The following FOXJ3 variants were observed in gnomAD, a reference collection of about 807,000 sequenced individuals.
The protein encoded by FOXJ3 is forkhead box protein J3.
Under a neutral mutation model 76.1 loss-of-function variants are expected in FOXJ3, and 22 were observed. That is an observed-to-expected ratio of 0.29 (90% CI 0.21 to 0.41). FOXJ3 has a LOEUF of 0.41. Among genes scored for constraint, FOXJ3 ranks in the 10% least tolerant of loss-of-function variants. The probability of loss-of-function intolerance (pLI) is 1.00; values close to 1 mark genes in which losing one functional copy is unlikely to be tolerated. For missense variants in FOXJ3, 613 were observed against 762.1 expected, an observed-to-expected ratio of 0.80 and a Z score of 2.30; for synonymous variants, 269 against 261.2, an observed-to-expected ratio of 1.03 and a Z score of -0.29.
intron 5 of FOXJ3, among the ~76,000 whole-genome samples, chr1:42,226,639 C>A (rs1328942162): frequency 1.3e-5 from 2 of 152,104 alleles, no homozygotes; most frequent in Non-Finnish European, 2.9e-5. Flanking sequence ...AGCTCTGTTA[C>A]CAGAAGACCA....
chr1:42,185,021 T>C (rs1391767857), intron 11 of FOXJ3, among the ~76,000 whole-genome samples: 1 of 152,086 alleles, frequency 6.6e-6, no homozygotes, highest in Non-Finnish European at 1.5e-5. Flanking sequence ...ATATAGGCCA[T>C]AGTAACAACA....
chr1:42,232,040 C>T (rs1463844486), intron 4 of FOXJ3, among the ~76,000 whole-genome samples: 4 of 151,998 alleles, frequency 2.6e-5, no homozygotes, highest in Non-Finnish European at 1.5e-5. Flanking sequence ...TGAGTGAGAA[C>T]ATGCGGTGTT....
Position 42,222,253 on chromosome 1 carries a change from AGTTC to A in FOXJ3, c.528+5626_528+5629del, listed in dbSNP as rs527680611. On this transcript the variant is annotated intron_variant, in intron 5 of 12. Coordinates refer to ENST00000361346, the MANE Select transcript of FOXJ3 (RefSeq NM_014947.5). ...AAATCCCACTAATCTGCCCTATTTC[AGTTC>A]ATCCATCAGGCCTCCAATTAACGTC... Among the ~76,000 whole-genome samples, 7 of 151,844 alleles carry A rather than the reference AGTTC, an allele frequency of 4.6e-5. No individual in the cohort carries two copies. In the South Asian group the frequency reaches 1.5e-3, roughly 32 times the overall value.
At chr1:42,243,616 G>A (rs149591456) in intron 4 of FOXJ3, among the ~76,000 whole-genome samples, 2 of 152,230 alleles carry the variant, frequency 1.3e-5, no homozygotes, top group African/African-American at 4.8e-5. Flanking sequence ...GATAAGTAGA[G>A]ACAGTTGCAT....
chr1:42,199,372 C>A, intron 6 of FOXJ3, 142 bp from the exon 7 acceptor site: 1 of 595,340 alleles, frequency 1.7e-6, no homozygotes, highest in East Asian at 2.6e-5. Context: ...ATTCCATGCC[C>A]CATATGGCTA....
chr1:42,236,604 A>AT (rs1169085435), intron 4 of FOXJ3, among the ~76,000 whole-genome samples: 2 of 152,246 alleles, frequency 1.3e-5, no homozygotes, highest in Admixed American at 1.3e-4. Flanking sequence ...ACCTTCATGT[A>AT]ACTAACACTA....
intron 1 of FOXJ3, among the ~76,000 whole-genome samples, chr1:42,331,967 G>C (rs1181347731): frequency 6.6e-6 from 1 of 152,030 alleles, no homozygotes; most frequent in Non-Finnish European, 1.5e-5. Flanking sequence ...TACAAATCCT[G>C]TGAAAAACAA....
intron 9 of FOXJ3, among the ~76,000 whole-genome samples, chr1:42,190,814 T>C (rs573456396): frequency 9.8e-5 from 15 of 152,322 alleles, no homozygotes; most frequent in Non-Finnish European, 1.6e-4. Context: ...AAGCAAACTC[T>C]GCAGCGACTG....
intron 3 of FOXJ3, among the ~76,000 whole-genome samples, 190 bp downstream of exon 3, chr1:42,278,158 G>T (rs1046520594): frequency 6.6e-6 from 1 of 151,970 alleles, no homozygotes; most frequent in Non-Finnish European, 1.5e-5. Flanking sequence ...ACATAATCAA[G>T]CTTCAACACA....
Position 42,265,141 on chromosome 1 carries a change from G to A in FOXJ3, c.418C>T (p.Pro140Ser), listed in dbSNP as rs754151474. 1.3e-6 allele frequency: 2 copies of A among 1,599,018 alleles called. No individual in the cohort carries two copies. Among genetic ancestry groups the A allele is most frequent in the Non-Finnish European group, 1.7e-6 (2 of 1,167,968 alleles). The change falls in exon 4 of 13, where the codon CCT becomes TCT. Residue 140 changes from proline (P) to serine (S), a missense_variant. Around this residue, in one of 3 missense-constraint regions of FOXJ3, gnomAD observed 526 missense variants for 601.4 expected, o/e 0.87. Transcript: ENST00000361346. ...LSLNKCFLKV[P>S]RSKDDPGKGS... ...TTTCCAGGGTCATCCTTAGATCGAG[G>A]CACTTTAAGGAAACATTTGTTCAAT...
At chr1:42,266,671 T>C (rs1315532346) in intron 3 of FOXJ3, among the ~76,000 whole-genome samples, 2 of 151,786 alleles carry the variant, frequency 1.3e-5, no homozygotes, top group Non-Finnish European at 1.5e-5. Flanking sequence ...TAAGAAAAAA[T>C]AGGGGTAGGA....
At chr1:42,278,256 C>T (rs1327810347) in intron 3 of FOXJ3, 92 bp downstream of exon 3, 1 of 955,730 alleles carries the variant, frequency 1.0e-6, no homozygotes, top group Non-Finnish European at 1.6e-6. Context: ...ATTTCATATT[C>T]AATTACATGA....
chr1:42,186,798 C>G (rs191332319), intron 11 of FOXJ3, among the ~76,000 whole-genome samples: 3 of 152,270 alleles, frequency 2.0e-5, no homozygotes, highest in Admixed American at 2.0e-4. Flanking sequence ...CTGAAATTCA[C>G]CAACATGAGA....
At chr1:42,182,703 G>A (rs1305420330) in intron 11 of FOXJ3, among the ~76,000 whole-genome samples, 2 of 151,992 alleles carry the variant, frequency 1.3e-5, no homozygotes, top group Non-Finnish European at 2.9e-5. Flanking sequence ...TTACCATGTT[G>A]GCCAGGCTGA....
intron 4 of FOXJ3, among the ~76,000 whole-genome samples, chr1:42,228,581 A>C (rs1052747113): frequency 6.6e-6 from 1 of 151,780 alleles, no homozygotes; most frequent in East Asian, 1.9e-4. Context: ...AAAAAAAAAA[A>C]ACTTTGGAAA....
At chr1:42,275,708 T>C (rs1271085847) in intron 3 of FOXJ3, among the ~76,000 whole-genome samples, 1 of 151,994 alleles carries the variant, frequency 6.6e-6, no homozygotes, top group Non-Finnish European at 1.5e-5. Flanking sequence ...AAAAAGAAAG[T>C]TGAATGATTT....
chr1:42,318,486 C>A (rs573824171), intron 1 of FOXJ3, among the ~76,000 whole-genome samples: 1 of 152,256 alleles, frequency 6.6e-6, no homozygotes, highest in East Asian at 1.9e-4. Flanking sequence ...GGATTACAGG[C>A]ATGCACCACC....
chr1:42,264,680 C>T (rs1651333386), intron 4 of FOXJ3, among the ~76,000 whole-genome samples: 1 of 152,016 alleles, frequency 6.6e-6, no homozygotes, highest in East Asian at 1.9e-4. Flanking sequence ...GCAGTGGTGT[C>T]AGGAGATAAG....
chr1:42,258,628 C>T (rs1650793611), intron 4 of FOXJ3, among the ~76,000 whole-genome samples: 1 of 152,146 alleles, frequency 6.6e-6, no homozygotes, highest in East Asian at 1.9e-4. Context: ...CATTGATCAT[C>T]AAATTAAGCC....
Sources: allele counts gnomAD v4.1 joint callset (sites outside exome capture counted in the v4.1 genomes callset), GRCh38; gene constraint gnomAD v4.1.1; regional missense constraint gnomAD v4.1.1; transcripts MANE v1.5; gene names NCBI Gene and HGNC (gene_info 2026-07-23, HGNC 2026-07-21).